Variants in WDR11 observed in about 807,000 individuals in gnomAD.
WDR11 encodes the protein WD repeat-containing protein 11.
WDR11 carries 83 observed loss-of-function variants against 151.2 expected under a neutral mutation model. That is an observed-to-expected ratio of 0.55 (90% CI 0.46 to 0.66). The LOEUF is 0.66. WDR11 is among the 30% of genes least tolerant of loss of function. The probability of loss-of-function intolerance (pLI) is 0.00; values close to 1 mark genes in which losing one functional copy is unlikely to be tolerated. For synonymous variants in WDR11, 484 were observed against 533.1 expected, an observed-to-expected ratio of 0.91 and a Z score of 1.27; for missense variants, 1,301 against 1,480.9, an observed-to-expected ratio of 0.88 and a Z score of 1.99.
At chr10:120,865,248 A>G in intron 6 of WDR11, 36 bp downstream of exon 6, 1 of 1,598,790 alleles carries the variant, frequency 6.3e-7, no homozygotes, top group Non-Finnish European at 8.6e-7. Context: ...CCCCAAAATT[A>G]TTAAGAATGT....
intron 20 of WDR11, among the ~76,000 whole-genome samples, chr10:120,900,347 A>G (rs1436731383): frequency 1.3e-5 from 2 of 152,038 alleles, no homozygotes; most frequent in Admixed American, 6.6e-5. Flanking sequence ...GAGGGCGTGT[A>G]TTGCTCTCAG....
At chr10:120,899,341 C>T (rs1339450862) in intron 19 of WDR11, among the ~76,000 whole-genome samples, 1 of 151,738 alleles carries the variant, frequency 6.6e-6, no homozygotes, top group Admixed American at 6.6e-5. Context: ...TGAATAGTCT[C>T]GGAAAAACAA....
intron 5 of WDR11, 91 bp from the exon 6 acceptor site, chr10:120,864,956 C>A: frequency 6.8e-7 from 1 of 1,466,316 alleles, no homozygotes; most frequent in South Asian, 1.2e-5. Context: ...TTTTTATTGT[C>A]AATTTTTATG....
Position 120,909,271 on chromosome 10 carries a change from T to A in WDR11, c.*558T>A, listed in dbSNP as rs528220851. 3.2e-5 allele frequency: 5 copies of A among 155,196 alleles called. No homozygotes were observed. The highest frequency in any genetic ancestry group is 9.7e-5 in the African/African-American group (4 of 41,228). The allele number at this position is 155,196 out of a possible 1,614,324, so 9.6% of individuals were successfully genotyped here. A position where few individuals can be genotyped will look rare whatever the true frequency, so the allele number is the denominator to read the frequency against. On this transcript the variant is annotated 3_prime_UTR_variant, in exon 29 of 29. Coordinates refer to ENST00000263461, the MANE Select transcript of WDR11 (RefSeq NM_018117.12). ...TGGTTTAAGCAGTTGCTAAGTTTTG[T>A]AATTTTAGGCTCAGAGGACCATAGG...
chr10:120,901,191 T>C (rs1847801111), intron 21 of WDR11, 93 bp downstream of exon 21: 4 of 1,115,954 alleles, frequency 3.6e-6, no homozygotes, highest in South Asian at 2.6e-5. Flanking sequence ...ATAAGTTACG[T>C]TTTAGAAAAT....
At chr10:120,884,606 CA>C (rs34657107) in intron 14 of WDR11, among the ~76,000 whole-genome samples, 8,189 of 125,690 alleles carry the variant, frequency 0.065, 246 homozygotes, top group Non-Finnish European at 0.078. Flanking sequence ...AACCAAAAGG[CA>C]AAAAAAAAAA....
chr10:120,908,571 C>T lies in WDR11; in HGVS notation c.3533C>T (p.Ala1178Val), dbSNP rs530376834. 4 of 1,614,180 alleles carry T rather than the reference C, an allele frequency of 2.5e-6. No individual in the cohort carries two copies. Among genetic ancestry groups the T allele is most frequent in the African/African-American group, 1.3e-5 (1 of 75,040 alleles). Residue 1178 changes from alanine (A) to valine (V), a missense_variant, in exon 29 of 29, where the codon GCT (alanine) becomes GTT (valine). Ala to Val is a moderately conservative substitution (Grantham distance 64). Transcript: ENST00000263461. ...TATGGTTTACAGAAACTCATCACTG[C>T]TATATATGCAGATTATGCCCGGAGT... ...VTEDTEKLIT[A>V]IYADYARSLK... is the part of the protein sequence containing the mutation.
intron 1 of WDR11, chr10:120,851,846 T>G: frequency 2.5e-4 from 99 of 391,234 alleles, no homozygotes; most frequent in East Asian, 6.4e-4. Context: ...CCCTGTGCAC[T>G]TTCTCTTTCC....
Position 120,888,421 on chromosome 10 carries a change from T to C in WDR11, c.2122-657T>C, listed in dbSNP as rs528811935. Among the ~76,000 whole-genome samples, 4 of 152,352 alleles carry C rather than the reference T, an allele frequency of 2.6e-5. No individual in the cohort carries two copies. In the South Asian group the frequency reaches 8.3e-4, roughly 32 times the overall value. On this transcript the variant is annotated intron_variant, in intron 16 of 28. Transcript: ENST00000263461. ...AGAGCCCAGGCTGCTGAGCCCTCCA[T>C]GATACCACCTCTGAGCATCTATTAG...
At chr10:120,899,959 GT>G (rs1184693018) in intron 19 of WDR11, 69 bp from the exon 20 acceptor site, 3 of 1,324,336 alleles carry the variant, frequency 2.3e-6, no homozygotes, top group Non-Finnish European at 3.3e-6. Context: ...TCTGTAAATG[GT>G]TTATAGCTGA....
chr10:120,874,176 G>GTTTTTTTTTTTTTTTTTTTTTTTT (rs66873217), intron 11 of WDR11, among the ~76,000 whole-genome samples: 4 of 83,490 alleles, frequency 4.8e-5, no homozygotes, highest in African/African-American at 1.5e-4. Flanking sequence ...GGTTTTTGCA[G>GTTTTTTTTTTTTTTTTTTTTTTTT]TTTTTTTTTT....
chr10:120,869,827 G>T (rs1846467067), intron 9 of WDR11, among the ~76,000 whole-genome samples: 1 of 151,796 alleles, frequency 6.6e-6, no homozygotes, highest in African/African-American at 2.4e-5. Context: ...GTCTCGCTCT[G>T]TCACCAGGCT....
intron 10 of WDR11, among the ~76,000 whole-genome samples, chr10:120,872,056 A>G (rs896729724): frequency 6.6e-6 from 1 of 152,228 alleles, no homozygotes; most frequent in Non-Finnish European, 1.5e-5. Flanking sequence ...TTTCTTCTTA[A>G]GATGCTATCG....
intron 19 of WDR11, among the ~76,000 whole-genome samples, chr10:120,896,509 A>C (rs563402494): frequency 6.6e-6 from 1 of 152,208 alleles, no homozygotes; most frequent in Non-Finnish European, 1.5e-5. Flanking sequence ...CTGTGTAACA[A>C]CAATATTGGT....
Position 120,905,345 on chromosome 10 carries a change from G to C in WDR11, c.3220G>C (p.Asp1074His). The C allele has an allele frequency of 6.2e-7, 1 of 1,614,114 alleles. No homozygotes were observed. Among genetic ancestry groups the C allele is most frequent in the Non-Finnish European group, 8.5e-7 (1 of 1,180,036 alleles). ...GGGCGTTCAGTTGCTCTGCCTGATA[G>C]ATAAGGCTGCAGACGCCTGCCGCTA... Reference protein sequence around the residue: ...AEGVQLLCLIDKAADACRYLQ... With the variant: ...AEGVQLLCLIHKAADACRYLQ... The change falls in exon 26 of 29, where the codon GAT (aspartate) becomes CAT (histidine). Residue 1074 changes from aspartate (D) to histidine (H), a missense_variant. Asp to His is a moderately conservative substitution (Grantham distance 81, BLOSUM62 -1). Around this residue, in one of 3 missense-constraint regions of WDR11, gnomAD observed 589 missense variants for 670.6 expected, o/e 0.88. Transcript: ENST00000263461.
chr10:120,889,604 T>G (rs1847350198), intron 17 of WDR11: 3 of 455,872 alleles, frequency 6.6e-6, no homozygotes, highest in African/African-American at 4.0e-5. Flanking sequence ...ATCAGTAAAC[T>G]CGTGGAGGTG....
At position 120,890,001 on chromosome 10, in the gene WDR11, A is replaced by T; in HGVS notation, c.2335A>T (p.Thr779Ser). The change falls in exon 18 of 29, where the codon ACT becomes TCT. Residue 779 changes from threonine to serine, a missense_variant. Transcript: ENST00000263461. ...CAATGATGGAGCTGAAGTGTGGGAT[A>T]CTAAAGAGGTAGGCCCTCTCCATGA... ...MYNDGAEVWD[T>S]KEVQMVSSLR... 4 of 1,603,568 alleles carry T rather than the reference A, an allele frequency of 2.5e-6. No homozygotes were observed. Among genetic ancestry groups the T allele is most frequent in the Non-Finnish European group, 3.4e-6 (4 of 1,170,528 alleles).
rs1238063650 is a variant in WDR11 at position 120,880,898 on chromosome 10, T to C, written c.1736T>C (p.Leu579Ser). The change falls in exon 13 of 29, where the codon TTG becomes TCG. Residue 579 changes from leucine to serine, a missense_variant. Physicochemically the swap from Leu to Ser is moderately radical, Grantham distance 145 (BLOSUM62 -2). Around this residue, in one of 3 missense-constraint regions of WDR11, gnomAD observed 692 missense variants for 762.5 expected, o/e 0.91. Coordinates refer to ENST00000263461, the MANE Select transcript of WDR11 (RefSeq NM_018117.12). Reference protein sequence around the residue: ...SAIEMIKVSHLKQYLAVVFRD... With the variant: ...SAIEMIKVSHSKQYLAVVFRD... ...ATCGAAATGATTAAAGTATCTCATT[T>C]GAAGTAAGTGTCAACCTAAAAAAAA... The C allele has an allele frequency of 3.1e-6, 5 of 1,593,604 alleles. No individual in the cohort carries two copies. The East Asian group carries it at 1.1e-4, about 36-fold the overall frequency.
chr10:120,871,529 T>G (rs1436738689), intron 10 of WDR11, among the ~76,000 whole-genome samples, 183 bp downstream of exon 10: 1 of 152,082 alleles, frequency 6.6e-6, no homozygotes, highest in Non-Finnish European at 1.5e-5. Flanking sequence ...TTATTCCAAC[T>G]GTCTTATATT....
Sources: allele counts gnomAD v4.1 joint callset (sites outside exome capture counted in the v4.1 genomes callset), GRCh38; gene constraint gnomAD v4.1.1; regional missense constraint gnomAD v4.1.1; transcripts MANE v1.5; gene names NCBI Gene and HGNC (gene_info 2026-07-23, HGNC 2026-07-21).